XPO5: variants seen among roughly 807,000 people sequenced by gnomAD.
XPO5 encodes the protein exportin-5.
In XPO5, 46 loss-of-function variants were observed where a neutral mutation model predicts 160.6. The ratio of observed to expected loss-of-function variants is 0.29; its 90% CI spans 0.23 to 0.37. XPO5 has a LOEUF of 0.37. XPO5 is among the 10% of genes least tolerant of loss of function. The pLI, the probability that XPO5 is intolerant of heterozygous loss-of-function variation, is 1.00. For synonymous variants in XPO5, 537 were observed against 519.3 expected (o/e 1.03, Z -0.46); for missense variants, 1,090 against 1,463.9 (o/e 0.74, Z 4.17).
intron 12 of XPO5, among the ~76,000 whole-genome samples, chr6:43,557,576 T>A (rs1762166307): frequency 1.3e-5 from 2 of 151,950 alleles, no homozygotes; most frequent in Admixed American, 6.6e-5. Flanking sequence ...AGAAAGTAGA[T>A]TACTGGTTGC....
chr6:43,533,386 A>AT (rs1445647393), intron 21 of XPO5: 2 of 152,696 alleles, frequency 1.3e-5, no homozygotes, highest in African/African-American at 4.8e-5. Flanking sequence ...ACGGGGAAAA[A>AT]AAATAAATTG....
At chr6:43,573,712 C>G (rs534986464) in intron 1 of XPO5, 111 bp from the exon 2 acceptor site, 148 of 1,326,158 alleles carry the variant, frequency 1.1e-4, no homozygotes, top group Middle Eastern at 6.7e-4. Context: ...TCACACCTGT[C>G]CCAGCACTCT....
At chr6:43,552,969 A>C (rs1795322161) in intron 14 of XPO5, among the ~76,000 whole-genome samples, 1 of 150,188 alleles carries the variant, frequency 6.7e-6, no homozygotes, top group African/African-American at 2.5e-5. Flanking sequence ...AGCCTCTCTA[A>C]ATCTGTTTCC....
chr6:43,548,154 G>T, intron 18 of XPO5, 107 bp downstream of exon 18: 3 of 1,085,092 alleles, frequency 2.8e-6, no homozygotes, highest in Non-Finnish European at 3.9e-6. Context: ...CATGGATAAT[G>T]CCATCACACT....
chr6:43,570,347 C>T, intron 5 of XPO5, among the ~76,000 whole-genome samples, 155 bp downstream of exon 5: 1 of 149,774 alleles, frequency 6.7e-6, no homozygotes, highest in East Asian at 1.9e-4. Flanking sequence ...AGAAAATGAG[C>T]TCCAGTTTTT....
At chr6:43,529,004 A>C in intron 23 of XPO5, 79 bp from the exon 24 acceptor site, 2 of 1,335,910 alleles carry the variant, frequency 1.5e-6, no homozygotes, top group Admixed American at 2.2e-5. Flanking sequence ...ACCCCTGGGC[A>C]GAATCAATCC....
In XPO5 at chr6:43,523,843, G is replaced by A. The variant is rs778848443; in HGVS notation, c.*25C>T. 4.3e-6 allele frequency: 7 copies of A among 1,613,862 alleles called. No individual in the cohort carries two copies. The highest frequency in any genetic ancestry group is 2.2e-5 in the South Asian group (2 of 91,084). The stretch of plus-strand genomic sequence containing the variant: ...GAAAGAAGAGATGACAAGAAAGGCC[G>A]AGGAAGGATGCCCAAAAGCTTGATT... On this transcript the variant is annotated 3_prime_UTR_variant, in exon 32 of 32. Coordinates refer to ENST00000265351, the MANE Select transcript of XPO5 (RefSeq NM_020750.3).
chr6:43,563,555 T>C (rs947200870), intron 8 of XPO5, among the ~76,000 whole-genome samples: 2 of 152,164 alleles, frequency 1.3e-5, no homozygotes, highest in Admixed American at 6.6e-5. Context: ...TTATCACCAT[T>C]TGAACATGAT....
intron 27 of XPO5, 86 bp downstream of exon 27, chr6:43,526,599 A>G (rs1793609024): frequency 6.7e-7 from 1 of 1,489,516 alleles, no homozygotes. Flanking sequence ...TCTCCTCACC[A>G]GACTGCAAGG....
Position 43,525,212 on chromosome 6 carries a change from A to G in XPO5, c.3069T>C (p.Asp1023=), listed in dbSNP as rs1028940692. The G allele has an allele frequency of 6.4e-7, 1 of 1,572,336 alleles. No individual in the cohort carries two copies. The highest frequency in any genetic ancestry group is 1.4e-5 in the African/African-American group (1 of 74,026). The change falls in exon 29 of 32, where the codon GAT becomes GAC. Residue 1023 remains aspartate (D), a splice_region_variant and synonymous_variant. Transcript: ENST00000265351. ...DLGKCLMKHE[D]VCTALLITAF... is the part of the protein sequence containing the mutation. ...CTGTAATTAATAGCGCTGTACAAAC[A>G]TCCTGAACAGGAAAAGATGAAGAGT... is the stretch of plus-strand genomic sequence containing the variant.
At chr6:43,541,862 C>T (rs781739187) in intron 20 of XPO5, among the ~76,000 whole-genome samples, 3 of 152,218 alleles carry the variant, frequency 2.0e-5, no homozygotes, top group Non-Finnish European at 4.4e-5. Context: ...ACTGTAACCT[C>T]CATCTCCTGG....
At chr6:43,563,887 T>C (rs1366966248) in intron 8 of XPO5, among the ~76,000 whole-genome samples, 1 of 152,186 alleles carries the variant, frequency 6.6e-6, no homozygotes, top group African/African-American at 2.4e-5. Flanking sequence ...GACCCTACTG[T>C]AGACTTTATA....
Position 43,524,548 on chromosome 6 carries a change from A to G in XPO5, c.3400T>C (p.Leu1134=), listed in dbSNP as rs371413574. The change falls in exon 31 of 32, where the codon TTA becomes CTA. Residue 1134 remains leucine, a synonymous_variant. Transcript: ENST00000265351. ...DSLDQFDCKL[L]NPSLQKVADK... ...GCCACTTTCTGCAGGGAGGGGTTTA[A>G]AAGCTTGCAGTCAAACTGGTCCAGT... is the stretch of plus-strand genomic sequence containing the variant. 1 of 1,613,814 alleles carries G rather than the reference A, an allele frequency of 6.2e-7. No homozygotes were observed. Among genetic ancestry groups the G allele is most frequent in the Non-Finnish European group, 8.5e-7 (1 of 1,179,888 alleles).
At chr6:43,573,968 T>G (rs946157967) in intron 1 of XPO5, among the ~76,000 whole-genome samples, 72 of 151,686 alleles carry the variant, frequency 4.7e-4, no homozygotes, top group African/African-American at 1.4e-3. Context: ...TAGCTGGGAC[T>G]ACAAGTGCAC....
At chr6:43,557,784 A>T (rs866316933) in intron 12 of XPO5, among the ~76,000 whole-genome samples, 1,456 of 6,028 alleles carry the variant, frequency 0.24, 27 homozygotes, top group African/African-American at 0.41. Flanking sequence ...ATAAAGCTGT[A>T]AAAAAAAAAA....
At chr6:43,565,568 TAA>T (rs11362688) in intron 8 of XPO5, 90 bp downstream of exon 8, 52,575 of 960,330 alleles carry the variant, frequency 0.055, 9 homozygotes, top group South Asian at 0.072. Flanking sequence ...CATCTCAAAA[TAA>T]AAAAAAAAAA....
intron 20 of XPO5, among the ~76,000 whole-genome samples, chr6:43,539,988 C>T (rs1794599378): frequency 6.6e-6 from 1 of 152,252 alleles, no homozygotes; most frequent in Non-Finnish European, 1.5e-5. Flanking sequence ...GGCACAGTGG[C>T]TCACGCCTAT....
At chr6:43,552,079 C>T (rs1795254447) in intron 14 of XPO5, among the ~76,000 whole-genome samples, 1 of 152,166 alleles carries the variant, frequency 6.6e-6, no homozygotes, top group Non-Finnish European at 1.5e-5. Flanking sequence ...TTATCAGCTA[C>T]TTTATTTATA....
In XPO5 at chr6:43,525,841, C is replaced by T; in HGVS notation, c.3064G>A (p.Glu1022Lys). 1 of 1,614,032 alleles carries T rather than the reference C, an allele frequency of 6.2e-7. No individual in the cohort carries two copies. The highest frequency in any genetic ancestry group is 1.1e-5 in the South Asian group (1 of 91,072). ...TDLGKCLMKHEDVCTALLITA... is the reference protein window; with the variant it reads ...TDLGKCLMKHKDVCTALLITA... ...TATCACCTGCTCCTTCTACCCACCT[C>T]ATGCTTCATCAGACATTTGCCCAGG... Residue 1022 changes from glutamate (E) to lysine (K), a missense_variant and splice_region_variant, in exon 28 of 32, where the codon GAG becomes AAG. Physicochemically the swap from Glu to Lys is moderately conservative, Grantham distance 56. This residue lies in a region of XPO5 where 810 missense variants were observed against 1,139.0 expected (regional missense o/e 0.71). Coordinates refer to ENST00000265351, the MANE Select transcript of XPO5 (RefSeq NM_020750.3).
Sources: gnomAD v4.1 joint callset for allele counts (sites outside exome capture counted in the v4.1 genomes callset) on GRCh38, gnomAD v4.1.1 for gene constraint, gnomAD v4.1.1 regional missense constraint, MANE v1.5 for transcripts, NCBI Gene and HGNC (gene_info 2026-07-23, HGNC 2026-07-21) for gene names.